The following COL4A3 variants were observed in gnomAD, a reference collection of about 807,000 sequenced individuals.
The protein encoded by COL4A3 is collagen type IV alpha 3 chain.
In COL4A3, 135 loss-of-function variants were observed where a neutral mutation model predicts 217.4. That is an observed-to-expected ratio of 0.62 (90% CI 0.54 to 0.72). The LOEUF (loss-of-function observed/expected upper bound fraction) is 0.72. Ranked by LOEUF, COL4A3 falls within the 30% of genes least tolerant of loss-of-function variation. COL4A3 has a pLI of 0.00. For missense variants in COL4A3, 1,868 were observed against 2,119.9 expected (o/e 0.88, Z 2.33); for synonymous variants, 690 against 736.3 (o/e 0.94, Z 1.02).
intron 25 of COL4A3, 90 bp from the exon 26 acceptor site, chr2:227,272,856 AGCC>A: frequency 2.3e-6 from 3 of 1,295,720 alleles, no homozygotes; most frequent in Non-Finnish European, 3.4e-6. Flanking sequence ...TCTCAATGAC[AGCC>A]TAACTGGTAT....
intron 28 of COL4A3, among the ~76,000 whole-genome samples, chr2:227,277,920 C>CA (rs67619387): frequency 1.1e-4 from 16 of 149,002 alleles, no homozygotes; most frequent in Non-Finnish European, 1.8e-4. Context: ...GACTCTGTCT[C>CA]AAAAAAAAAA....
chr2:227,229,613 G>C (rs10221800), intron 1 of COL4A3, among the ~76,000 whole-genome samples: 1 of 151,784 alleles, frequency 6.6e-6, no homozygotes, highest in Non-Finnish European at 1.5e-5. Context: ...TTGAAAAGGA[G>C]AAAGGGGAGT....
At chr2:227,214,674 A>C (rs1379604514) in intron 1 of COL4A3, among the ~76,000 whole-genome samples, 1 of 152,210 alleles carries the variant, frequency 6.6e-6, no homozygotes, top group Non-Finnish European at 1.5e-5. Flanking sequence ...ATACCTGTCC[A>C]TTGTGAATTA....
Position 227,253,546 on chromosome 2 carries a change from T to A in COL4A3, c.688-15T>A. The A allele has an allele frequency of 6.2e-7, 1 of 1,606,236 alleles. No individual in the cohort carries two copies. The highest frequency in any genetic ancestry group is 8.5e-7 in the Non-Finnish European group (1 of 1,172,826). On this transcript the variant is annotated splice_polypyrimidine_tract_variant and intron_variant, in intron 12 of 51. Coordinates refer to ENST00000396578, the MANE Select transcript of COL4A3 (RefSeq NM_000091.5). The surrounding 1 kb of genome is among the most constrained non-coding windows in gnomAD (Gnocchi z 4.4). ...TGTTGTTTATTTTCTCACTCCTGAG[T>A]GTTTTTGTCTTTAGGGTGTGAAAGG...
intron 1 of COL4A3, among the ~76,000 whole-genome samples, chr2:227,199,096 G>T (rs905672765): frequency 6.6e-6 from 1 of 152,154 alleles, no homozygotes; most frequent in South Asian, 2.1e-4. Flanking sequence ...GGAGCAAACT[G>T]AATTGAGGAA....
chr2:227,254,351 A>G (rs1222181345), intron 14 of COL4A3, among the ~76,000 whole-genome samples, 177 bp downstream of exon 14: 1 of 152,168 alleles, frequency 6.6e-6, no homozygotes, highest in Non-Finnish European at 1.5e-5. Context: ...TGGCTAAAAT[A>G]CAATAACATT....
At position 227,244,973 on chromosome 2, in the gene COL4A3, T is replaced by G; in HGVS notation, c.302T>G (p.Phe101Cys). Reference sequence around the variant, plus strand: ...CAGGGAATAAGTGGATTGCCAGGATTTTCTGGTTCTCCTGGACTTCCAGTA... The same window carrying G: ...CAGGGAATAAGTGGATTGCCAGGATGTTCTGGTTCTCCTGGACTTCCAGTA... ...GVRGISGLPG[F>C]SGSPGLPGTP... The change falls in exon 5 of 52, where the codon TTT becomes TGT. Residue 101 changes from phenylalanine to cysteine, a missense_variant. Around this residue, in one of 2 missense-constraint regions of COL4A3, gnomAD observed 365 missense variants for 333.8 expected, o/e 1.09. Transcript: ENST00000396578. 6.2e-7 allele frequency: 1 copy of G among 1,613,466 alleles called. No homozygotes were observed. Among genetic ancestry groups the G allele is most frequent in the Non-Finnish European group, 8.5e-7 (1 of 1,179,616 alleles).
At chr2:227,189,580 A>C (rs978807962) in intron 1 of COL4A3, among the ~76,000 whole-genome samples, 2 of 152,226 alleles carry the variant, frequency 1.3e-5, no homozygotes, top group African/African-American at 4.8e-5. Flanking sequence ...ATCGGTAAAA[A>C]GCCTGTCCAT....
intron 1 of COL4A3, among the ~76,000 whole-genome samples, chr2:227,224,822 T>C (rs1480417475): frequency 6.6e-6 from 1 of 152,222 alleles, no homozygotes; most frequent in Non-Finnish European, 1.5e-5. Context: ...GACTTTAAAT[T>C]TCTATTTTTG....
chr2:227,231,049 G>C (rs1401271191), intron 1 of COL4A3, among the ~76,000 whole-genome samples: 2 of 152,154 alleles, frequency 1.3e-5, no homozygotes, highest in Non-Finnish European at 2.9e-5. Context: ...GAATTATTTT[G>C]GAGCAGTTCC....
chr2:227,217,796 A>G (rs6709097), intron 1 of COL4A3, among the ~76,000 whole-genome samples: 27,764 of 152,058 alleles, frequency 0.18, 3,234 homozygotes, highest in East Asian at 0.57. Flanking sequence ...GGTTACCATC[A>G]CCTGTGATGG....
intron 1 of COL4A3, among the ~76,000 whole-genome samples, chr2:227,198,171 T>A (rs948380794): frequency 6.6e-5 from 10 of 152,206 alleles, no homozygotes; most frequent in Admixed American, 3.3e-4. Flanking sequence ...TTCTCAGCTA[T>A]CTATGTGGGT....
intron 15 of COL4A3, among the ~76,000 whole-genome samples, chr2:227,255,821 A>G (rs2070129027): frequency 6.6e-6 from 1 of 152,024 alleles, no homozygotes; most frequent in South Asian, 2.1e-4. Flanking sequence ...TCCCATTCTG[A>G]CTGGCTTCTG....
chr2:227,254,088 A>T (rs766877882), intron 13 of COL4A3, 24 bp from the exon 14 acceptor site: 1 of 1,606,576 alleles, frequency 6.2e-7, no homozygotes, highest in East Asian at 2.2e-5. Flanking sequence ...CATTTGTAAC[A>T]ATGTTGAACT....
chr2:227,314,706 A>G lies in COL4A3; in HGVS notation c.*2836A>G, dbSNP rs1030825188. Reference sequence around the variant, plus strand: ...TATTGTTATATCCTGACAAGATTATAATATTTTAATGTACTAATATTTCTG... The same window carrying G: ...TATTGTTATATCCTGACAAGATTATGATATTTTAATGTACTAATATTTCTG... On this transcript the variant is annotated 3_prime_UTR_variant, in exon 52 of 52. Transcript: ENST00000396578. 3 of 142,842 alleles carry G rather than the reference A, an allele frequency of 2.1e-5. No individual in the cohort carries two copies. The highest frequency in any genetic ancestry group is 1.5e-5 in the Non-Finnish European group (1 of 67,902). The allele number at this position is 142,842 out of a possible 1,614,324, so 8.8% of individuals were successfully genotyped here. A position where few individuals can be genotyped will look rare whatever the true frequency, so the allele number is the denominator to read the frequency against.
At chr2:227,251,101 T>C (rs1186156322) in intron 9 of COL4A3, 39 bp from the exon 10 acceptor site, 2 of 1,469,872 alleles carry the variant, frequency 1.4e-6, no homozygotes, top group Non-Finnish European at 1.9e-6. Flanking sequence ...AAGTGAGAAG[T>C]AAATTTAAAC....
intron 9 of COL4A3, among the ~76,000 whole-genome samples, chr2:227,249,328 C>T (rs534337150): frequency 2.6e-4 from 37 of 144,280 alleles, no homozygotes; most frequent in Non-Finnish European, 3.6e-4. Flanking sequence ...CACCACCTCC[C>T]GGATTCAAGC....
rs956551930 is a variant in COL4A3 at position 227,259,879 on chromosome 2, T to C, written c.1114+2T>C. 1 of 1,609,202 alleles carries C rather than the reference T, an allele frequency of 6.2e-7. No homozygotes were observed. Among genetic ancestry groups the C allele is most frequent in the Non-Finnish European group, 8.5e-7 (1 of 1,175,452 alleles). ...CCAGAGGAGCTCGTGGCCCACAAGG[T>C]AAGAATAAATTTCTTCCTAAAGCAT... On this transcript the variant is annotated splice_donor_variant, in intron 19 of 51. Transcript: ENST00000396578. LOFTEE classifies it high-confidence loss of function.
intron 1 of COL4A3, among the ~76,000 whole-genome samples, chr2:227,199,652 C>T (rs758134466): frequency 2.6e-5 from 4 of 152,174 alleles, no homozygotes; most frequent in South Asian, 4.1e-4. Context: ...CCACAGGCAT[C>T]GGAATCACCT....
Sources: allele counts gnomAD v4.1 joint callset (sites outside exome capture counted in the v4.1 genomes callset), GRCh38; gene constraint gnomAD v4.1.1; regional missense constraint gnomAD v4.1.1; non-coding constraint Gnocchi (gnomAD v3.1); transcripts MANE v1.5; gene names NCBI Gene and HGNC (gene_info 2026-07-23, HGNC 2026-07-21).